GPM6B: variants seen among roughly 807,000 people sequenced by gnomAD.
GPM6B encodes glycoprotein M6B.
GPM6B carries 4 observed loss-of-function variants against 27.2 expected under a neutral mutation model. The observed-to-expected ratio is 0.15, with a 90% CI of 0.07 to 0.34. GPM6B has a LOEUF of 0.34. Among genes scored for constraint, GPM6B ranks in the 10% least tolerant of loss-of-function variants. The pLI is 1.00. For missense variants in GPM6B, 183 were observed against 261.9 expected (o/e 0.70, Z 2.08); for synonymous variants, 124 against 103.1 (o/e 1.20, Z -1.23).
In GPM6B at chrX:13,784,312, A is replaced by T. The variant is rs144073008; in HGVS notation, c.369-791T>A. On this transcript the variant is annotated intron_variant, in intron 3 of 7. Transcript: ENST00000316715. ...GAGCCACAGACTGAGATCACTACCT[A>T]ATTAAATCAACACACCTTTCCCAGG... Among the ~76,000 whole-genome samples, 89 of 111,976 alleles carry T rather than the reference A, an allele frequency of 7.9e-4. No homozygotes were observed. In the East Asian group the frequency reaches 0.019, roughly 24 times the overall value.
chrX:13,774,457 T>C (rs1025138035), intron 7 of GPM6B: 34 of 1,170,178 alleles, frequency 2.9e-5, no homozygotes, highest in African/African-American at 7.1e-5. Context: ...TGTAACAAAA[T>C]TGCAGAAACC....
chrX:13,866,224 G>A (rs761685387), intron 1 of GPM6B, among the ~76,000 whole-genome samples: 10 of 112,212 alleles, frequency 8.9e-5, no homozygotes, highest in African/African-American at 1.3e-4. Context: ...TTAGCCGGGC[G>A]TGGTGGCACA....
chrX:13,853,221 G>A (rs913138001), intron 1 of GPM6B, among the ~76,000 whole-genome samples: 6 of 111,057 alleles, frequency 5.4e-5, no homozygotes, highest in Admixed American at 1.9e-4. Flanking sequence ...TCTGAGATTC[G>A]ACAGAAGGAT....
At position 13,839,011 on chromosome X, in the gene GPM6B, G is replaced by A. The variant is rs766565740; in HGVS notation, c.-197-53203C>T. Among the ~76,000 whole-genome samples the A allele has an allele frequency of 4.5e-5, 5 of 111,591 alleles. No individual in the cohort carries two copies. In the East Asian group the frequency reaches 8.5e-4, roughly 19 times the overall value. ...TTTGGAAATAAGGCACAACTGACCA[G>A]CATTCACATTAAAACTGAGATCTCA... is the stretch of plus-strand genomic sequence containing the variant. On this transcript the variant is annotated intron_variant, in intron 1 of 6. Coordinates refer to the GPM6B transcript ENST00000398361.
At chrX:13,811,042 C>T (rs1233090082) in intron 1 of GPM6B, among the ~76,000 whole-genome samples, 2 of 112,215 alleles carry the variant, frequency 1.8e-5, no homozygotes, top group Non-Finnish European at 3.8e-5. Flanking sequence ...CAAGAGGATG[C>T]CTTGGCTCAA....
In GPM6B at chrX:13,791,029, G is replaced by A. The variant is rs1027347432; in HGVS notation, c.182-5221C>T. Among the ~76,000 whole-genome samples the A allele has an allele frequency of 6.3e-5, 7 of 111,908 alleles. No homozygotes were observed. The East Asian group carries it at 1.1e-3, about 18-fold the overall frequency. ...GAACACCATGCTGTTAAAAGTTTAC[G>A]ATAGCTAAGGAAGATCAGTGCTTTT... On this transcript the variant is annotated intron_variant, in intron 2 of 7. Transcript: ENST00000316715.
chrX:13,836,438 C>T (rs1194103608), intron 1 of GPM6B, among the ~76,000 whole-genome samples: 2 of 112,109 alleles, frequency 1.8e-5, no homozygotes, highest in East Asian at 5.5e-4. Context: ...TGAGCTCTAA[C>T]CCTAGTTTCT....
chrX:13,827,488 G>A (rs1208572196), intron 1 of GPM6B, among the ~76,000 whole-genome samples: 1 of 110,151 alleles, frequency 9.1e-6, no homozygotes, highest in Non-Finnish European at 1.9e-5. Flanking sequence ...CTGTCTCTCA[G>A]TTATAAATGC....
upstream of GPM6B, among the ~76,000 whole-genome samples, chrX:13,819,222 T>C (rs2049281147): frequency 8.9e-6 from 1 of 112,544 alleles, no homozygotes; most frequent in Non-Finnish European, 1.9e-5. Flanking sequence ...TCATTTTCTT[T>C]TCACTAGGAT....
At position 13,771,230 on chromosome X, in the gene GPM6B, T is replaced by G. The variant is rs13793; in HGVS notation, c.*1651A>C. The G allele has an allele frequency of 0.26, 28,818 of 110,663 alleles. 2,960 individuals carry two copies. Among genetic ancestry groups the G allele is most frequent in the South Asian group, 0.47 (1,221 of 2,608 alleles). The allele number at this position is 110,663 out of a possible 1,213,427, so 9.1% of individuals were successfully genotyped here. On this transcript the variant is annotated 3_prime_UTR_variant, in exon 8 of 8. Transcript: ENST00000316715. ...GTAATAGCTACCAGAATTAGAAAAG[T>G]AAAATTAGGCTTTAGACACTGCCTC... is the stretch of plus-strand genomic sequence containing the variant.
In GPM6B at chrX:13,844,596, T is replaced by C. The variant is rs1204478460; in HGVS notation, c.-197-58788A>G. 2.7e-5 allele frequency among the ~76,000 whole-genome samples: 3 copies of C among 112,189 alleles called. No homozygotes were observed. In the East Asian group the frequency reaches 8.3e-4, roughly 31 times the overall value. The stretch of plus-strand genomic sequence containing the variant: ...TATTCCACTGGATACAATAAGGTAA[T>C]TGCCAAGCCCTGGACACAAAGACTT... On this transcript the variant is annotated intron_variant, in intron 1 of 6. Coordinates refer to the GPM6B transcript ENST00000398361.
chrX:13,938,542 CG>C (rs3833419), upstream of GPM6B: 386,842 of 900,877 alleles, frequency 0.43, 58,973 homozygotes, highest in African/African-American at 0.54. Context: ...GTGAGGGCTG[CG>C]GGGCGTTCGG....
At chrX:13,828,535 T>A (rs1396501943) in intron 1 of GPM6B, among the ~76,000 whole-genome samples, 1 of 112,069 alleles carries the variant, frequency 8.9e-6, no homozygotes, top group Non-Finnish European at 1.9e-5. Context: ...TATCTTGTTA[T>A]AAGCAACAGG....
intron 7 of GPM6B, among the ~76,000 whole-genome samples, chrX:13,775,477 A>T (rs1307827037): frequency 8.9e-6 from 1 of 112,116 alleles, no homozygotes; most frequent in Non-Finnish European, 1.9e-5. Context: ...TTTGTGGGTG[A>T]TTTTGCTGCT....
At chrX:13,775,470 G>T (rs2147107584) in intron 7 of GPM6B, among the ~76,000 whole-genome samples, 1 of 112,252 alleles carries the variant, frequency 8.9e-6, no homozygotes, top group African/African-American at 3.2e-5. Context: ...TGTGCATTTT[G>T]TGGGTGATTT....
intron 1 of GPM6B, chrX:13,812,738 T>C (rs1427890297): frequency 9.0e-6 from 1 of 110,808 alleles, no homozygotes; most frequent in African/African-American, 3.3e-5. Context: ...TAATTCAGGG[T>C]TTACACTCAA....
chrX:13,775,953 C>T (rs1273263217), intron 7 of GPM6B, among the ~76,000 whole-genome samples: 1 of 112,641 alleles, frequency 8.9e-6, no homozygotes, highest in Non-Finnish European at 1.9e-5. Flanking sequence ...AGTCATGAAG[C>T]TAAGTGCTCA....
At chrX:13,926,848 G>C (rs113965556) in intron 1 of GPM6B, among the ~76,000 whole-genome samples, 54 of 111,498 alleles carry the variant, frequency 4.8e-4, no homozygotes, top group African/African-American at 1.7e-3. Flanking sequence ...CATGACTTTG[G>C]GGATAGAAAC....
chrX:13,785,544 TC>T lies in GPM6B; in HGVS notation c.368+77del, dbSNP rs1602987383. On this transcript the variant is annotated intron_variant, in intron 3 of 7. Transcript: ENST00000316715. ...TTCAGGTGATCTGCCTGCCTCAGCCTCCCAAATTGCTGGGATGACAGGCATG... is the reference window on the plus strand; with the variant it reads ...TTCAGGTGATCTGCCTGCCTCAGCCTCCAAATTGCTGGGATGACAGGCATG... The T allele has an allele frequency of 9.0e-6, 9 of 996,003 alleles. No homozygotes were observed. The South Asian group carries it at 1.5e-4, about 16-fold the overall frequency. The allele number at this position is 996,003 out of a possible 1,213,427, so 82.1% of individuals were successfully genotyped here.
Sources: gnomAD v4.1 joint callset for allele counts (sites outside exome capture counted in the v4.1 genomes callset) on GRCh38, gnomAD v4.1.1 for gene constraint, MANE v1.5 for transcripts, NCBI Gene and HGNC (gene_info 2026-07-23, HGNC 2026-07-21) for gene names.